The following DRAM1 variants were observed in gnomAD, a reference collection of about 807,000 sequenced individuals.
DRAM1 encodes DNA damage regulated autophagy modulator 1.
In DRAM1, 25 loss-of-function variants were observed where a neutral mutation model predicts 28.5. That is an observed-to-expected ratio of 0.88 (90% CI 0.64 to 1.23). The LOEUF (loss-of-function observed/expected upper bound fraction) is 1.23, where lower values mean the gene tolerates loss of function less well. Ranked by LOEUF, DRAM1 falls within the 50% of genes most tolerant of loss-of-function variation. The pLI, the probability that DRAM1 is intolerant of heterozygous loss-of-function variation, is 0.00. For synonymous variants in DRAM1, 113 were observed against 114.2 expected (o/e 0.99, Z 0.07); for missense variants, 249 against 299.2 (o/e 0.83, Z 1.24).
At chr12:101,891,663 A>T (rs1017971938) in intron 1 of DRAM1, among the ~76,000 whole-genome samples, 24 of 152,376 alleles carry the variant, frequency 1.6e-4, no homozygotes, top group African/African-American at 5.8e-4. Context: ...CTGTGTATAC[A>T]TAACAGCCTC....
At chr12:101,914,562 A>C (rs1381449195) in intron 5 of DRAM1, among the ~76,000 whole-genome samples, 1 of 149,996 alleles carries the variant, frequency 6.7e-6, no homozygotes, top group Admixed American at 6.7e-5. Flanking sequence ...AGCTTACTGC[A>C]ACCTCTGTGT....
chr12:101,895,196 T>TTTTTGTTTTTTTTTTTTTTG (rs1399911949), intron 1 of DRAM1, among the ~76,000 whole-genome samples: 31 of 127,774 alleles, frequency 2.4e-4, no homozygotes, highest in Non-Finnish European at 3.2e-5. Flanking sequence ...GTTTTTTTTT[T>TTTTTGTTTTTTTTTTTTTTG]TTTTTTTTTT....
intron 4 of DRAM1, among the ~76,000 whole-genome samples, chr12:101,913,584 G>A (rs1453521616): frequency 1.3e-5 from 2 of 151,636 alleles, no homozygotes; most frequent in East Asian, 3.9e-4. Flanking sequence ...GTGGGTGCTT[G>A]TAATCCCAAC....
intron 1 of DRAM1, among the ~76,000 whole-genome samples, chr12:101,882,835 CTTTT>C (rs35171315): frequency 2.5e-4 from 28 of 112,560 alleles, no homozygotes; most frequent in Middle Eastern, 4.7e-3. Flanking sequence ...ATGCAACAGC[CTTTT>C]TTTTTTTTTT....
At chr12:101,878,281 G>C (rs962201862) in intron 1 of DRAM1, among the ~76,000 whole-genome samples, 20 of 152,200 alleles carry the variant, frequency 1.3e-4, no homozygotes, top group African/African-American at 4.8e-4. Context: ...GGTAGATCCA[G>C]GTATATGCTA....
intron 1 of DRAM1, among the ~76,000 whole-genome samples, chr12:101,882,142 G>A (rs1230985150): frequency 7.5e-6 from 1 of 133,936 alleles, no homozygotes; most frequent in Non-Finnish European, 1.6e-5. Context: ...TTTTTGAGAC[G>A]GAGTTTCCCA....
intron 2 of DRAM1, among the ~76,000 whole-genome samples, chr12:101,899,519 G>GA (rs1437154473): frequency 6.6e-6 from 1 of 151,610 alleles, no homozygotes. Context: ...AAGAAAGAAA[G>GA]AAAAAAGAAG....
intron 1 of DRAM1, among the ~76,000 whole-genome samples, chr12:101,891,568 CA>C (rs1183990259): frequency 6.6e-6 from 1 of 152,172 alleles, no homozygotes; most frequent in Non-Finnish European, 1.5e-5. Context: ...TGGAATTTTC[CA>C]CAGTCTGCTT....
intron 1 of DRAM1, among the ~76,000 whole-genome samples, chr12:101,895,186 GTTTTTTTTTTTTTTTTT>G (rs574722379): frequency 1.3e-5 from 1 of 75,720 alleles, no homozygotes; most frequent in East Asian, 6.6e-4. Flanking sequence ...AACCCTTCAG[GTTTTTTTTTTTTTTTTT>G]TTTTTTTTTT....
chr12:101,895,829 C>T (rs747597771), intron 1 of DRAM1, among the ~76,000 whole-genome samples: 2 of 151,484 alleles, frequency 1.3e-5, no homozygotes, highest in Non-Finnish European at 2.9e-5. Context: ...CTCGGGCTCC[C>T]GTAGTGCTGG....
intron 1 of DRAM1, among the ~76,000 whole-genome samples, chr12:101,891,097 G>A (rs1024663192): frequency 2.0e-4 from 31 of 152,162 alleles, no homozygotes; most frequent in Admixed American, 1.8e-3. Context: ...CTGCCAGAAA[G>A]TTAGCTCTCG....
intron 1 of DRAM1, among the ~76,000 whole-genome samples, chr12:101,890,799 G>T (rs1873092598): frequency 6.8e-6 from 1 of 147,316 alleles, no homozygotes; most frequent in Non-Finnish European, 1.5e-5. Context: ...CACCCAGGCT[G>T]GAGTGCAATG....
chr12:101,911,721 A>T (rs1874046199), intron 4 of DRAM1, among the ~76,000 whole-genome samples: 1 of 150,416 alleles, frequency 6.6e-6, no homozygotes, highest in Admixed American at 6.6e-5. Flanking sequence ...ATTTGATAAG[A>T]AACAGAAGTA....
At chr12:101,888,886 C>A (rs1003751390) in intron 1 of DRAM1, among the ~76,000 whole-genome samples, 1 of 145,474 alleles carries the variant, frequency 6.9e-6, no homozygotes, top group Non-Finnish European at 1.5e-5. Context: ...CTCACTGCAG[C>A]GTCTGCCTTC....
chr12:101,914,017 G>T (rs1874141625), intron 4 of DRAM1, among the ~76,000 whole-genome samples, 157 bp from the exon 5 acceptor site: 1 of 152,148 alleles, frequency 6.6e-6, no homozygotes, highest in Non-Finnish European at 1.5e-5. Context: ...TGGTTTGATT[G>T]TAGAAATGTT....
At chr12:101,891,150 C>T (rs905806366) in intron 1 of DRAM1, among the ~76,000 whole-genome samples, 14 of 152,026 alleles carry the variant, frequency 9.2e-5, no homozygotes, top group African/African-American at 2.9e-4. Context: ...CTTTTTATTC[C>T]GTACTTATCC....
Position 101,908,248 on chromosome 12 carries a change from G to A in DRAM1, c.405G>A (p.Val135=). The change falls in exon 4 of 7, where the codon GTG becomes GTA. Residue 135 remains valine, a synonymous_variant. Coordinates refer to ENST00000258534, the MANE Select transcript of DRAM1 (RefSeq NM_018370.3). ...TTTTGGCCTTTGTCTGTGGTGTCGT[G>A]TACACGCTCCTACAGTCCATCATCT... is the stretch of plus-strand genomic sequence containing the variant. ...GALLAFVCGV[V]YTLLQSIISY... The A allele has an allele frequency of 6.2e-7, 1 of 1,614,064 alleles. No homozygotes were observed. Among genetic ancestry groups the A allele is most frequent in the South Asian group, 1.1e-5 (1 of 91,078 alleles).
At chr12:101,906,487 T>C (rs545885100) in intron 3 of DRAM1, among the ~76,000 whole-genome samples, 1 of 152,288 alleles carries the variant, frequency 6.6e-6, no homozygotes, top group East Asian at 1.9e-4. Flanking sequence ...GCTTGCATGT[T>C]CAAGCTTAAG....
At chr12:101,903,133 G>A (rs1416754224) in intron 3 of DRAM1, among the ~76,000 whole-genome samples, 1 of 152,130 alleles carries the variant, frequency 6.6e-6, no homozygotes. Context: ...TGGCCAGGCT[G>A]GTCTTGAACT....
Sources: allele counts gnomAD v4.1 joint callset (sites outside exome capture counted in the v4.1 genomes callset), GRCh38; gene constraint gnomAD v4.1.1; transcripts MANE v1.5; gene names NCBI Gene and HGNC (gene_info 2026-07-23, HGNC 2026-07-21).